Variants in ASB7 observed in about 807,000 individuals in gnomAD.
ASB7 encodes ankyrin repeat and SOCS box protein 7.
ASB7 carries 4 observed loss-of-function variants against 32.5 expected under a neutral mutation model. The ratio of observed to expected loss-of-function variants is 0.12; its 90% confidence interval spans 0.06 to 0.28. The LOEUF (loss-of-function observed/expected upper bound fraction) is 0.28. ASB7 is among the 10% of genes least tolerant of loss of function. ASB7 has a pLI of 1.00. For synonymous variants in ASB7, 172 were observed against 155.6 expected, an observed-to-expected ratio of 1.11 and a Z score of -0.78; for missense variants, 181 against 407.1, an observed-to-expected ratio of 0.44 and a Z score of 4.78.
At chr15:100,638,070 T>A (rs1567117731) in intron 5 of ASB7, among the ~76,000 whole-genome samples, 2 of 152,088 alleles carry the variant, frequency 1.3e-5, no homozygotes, top group Non-Finnish European at 2.9e-5. Context: ...TATAGATAAG[T>A]ATAACTGACA....
At chr15:100,646,557 A>G (rs2039998357) in intron 5 of ASB7, 2 of 401,652 alleles carry the variant, frequency 5.0e-6, no homozygotes. Context: ...TGATGTTACT[A>G]AGGTCAACAC....
At chr15:100,636,178 T>C (rs985913526) in intron 5 of ASB7, among the ~76,000 whole-genome samples, 1 of 152,250 alleles carries the variant, frequency 6.6e-6, no homozygotes, top group Non-Finnish European at 1.5e-5. Flanking sequence ...TACACAGATC[T>C]CAGCCATGGC....
At chr15:100,604,812 AT>A (rs2039627029) in intron 2 of ASB7, among the ~76,000 whole-genome samples, 1 of 152,198 alleles carries the variant, frequency 6.6e-6, no homozygotes, top group Non-Finnish European at 1.5e-5. Flanking sequence ...GCTAATTTTT[AT>A]TATGTAAGTA....
chr15:100,604,324 G>A (rs2039619505), intron 2 of ASB7, among the ~76,000 whole-genome samples: 1 of 152,172 alleles, frequency 6.6e-6, no homozygotes, highest in African/African-American at 2.4e-5. Flanking sequence ...TATAAGCATG[G>A]AAATTATACA....
chr15:100,625,779 A>G (rs2039831941), intron 4 of ASB7, among the ~76,000 whole-genome samples: 1 of 152,202 alleles, frequency 6.6e-6, no homozygotes, highest in Non-Finnish European at 1.5e-5. Flanking sequence ...ACTTACTATA[A>G]GCTACAGTAG....
chr15:100,647,589 T>G (rs2040005020), intron 5 of ASB7, among the ~76,000 whole-genome samples: 1 of 152,142 alleles, frequency 6.6e-6, no homozygotes, highest in Non-Finnish European at 1.5e-5. Flanking sequence ...TCTTTTGAAT[T>G]GAGATATAAC....
intron 2 of ASB7, among the ~76,000 whole-genome samples, chr15:100,604,809 T>G (rs1023801517): frequency 6.6e-6 from 1 of 152,202 alleles, no homozygotes; most frequent in Non-Finnish European, 1.5e-5. Flanking sequence ...AAGGCTAATT[T>G]TTATTATGTA....
intron 4 of ASB7, among the ~76,000 whole-genome samples, chr15:100,622,642 C>T (rs906578189): frequency 5.9e-5 from 9 of 152,174 alleles, no homozygotes; most frequent in Admixed American, 6.5e-5. Flanking sequence ...CAGAAATCTA[C>T]GTATTTTTAG....
intron 5 of ASB7, among the ~76,000 whole-genome samples, chr15:100,630,404 G>C: frequency 6.6e-6 from 1 of 152,312 alleles, no homozygotes; most frequent in East Asian, 1.9e-4. Flanking sequence ...AAGTTGAGGA[G>C]TTAGAGGGGG....
intron 4 of ASB7, among the ~76,000 whole-genome samples, chr15:100,622,374 T>C (rs971317413): frequency 5.9e-5 from 9 of 152,140 alleles, no homozygotes; most frequent in African/African-American, 1.9e-4. Context: ...TTAAAATGAC[T>C]CTTCTATCCA....
chr15:100,617,087 C>T (rs1323041835), intron 4 of ASB7, among the ~76,000 whole-genome samples: 2 of 152,124 alleles, frequency 1.3e-5, no homozygotes, highest in Non-Finnish European at 2.9e-5. Context: ...GATTCTGCCT[C>T]CTAAAAAGTT....
At chr15:100,632,543 A>C (rs2039891680) in intron 5 of ASB7, among the ~76,000 whole-genome samples, 1 of 152,180 alleles carries the variant, frequency 6.6e-6, no homozygotes, top group Non-Finnish European at 1.5e-5. Context: ...AAGCAGCTTG[A>C]AAGAAGGTTG....
intron 3 of ASB7, among the ~76,000 whole-genome samples, chr15:100,610,444 C>CG: frequency 6.6e-6 from 1 of 150,460 alleles, no homozygotes; most frequent in South Asian, 2.1e-4. Context: ...GCAGTGAGCT[C>CG]AGATCGCGCC....
intron 4 of ASB7, among the ~76,000 whole-genome samples, chr15:100,625,944 A>C (rs1157840073): frequency 6.6e-6 from 1 of 152,208 alleles, no homozygotes; most frequent in African/African-American, 2.4e-5. Flanking sequence ...GTGCTGGAAC[A>C]AGTAGATATC....
chr15:100,638,353 A>G (rs1384315153), intron 5 of ASB7: 1 of 152,234 alleles, frequency 6.6e-6, no homozygotes, highest in Non-Finnish European at 1.5e-5. Flanking sequence ...GTTTGTTTAT[A>G]AAACTGGCTG....
At chr15:100,626,514 T>C (rs1041904743) in intron 4 of ASB7, among the ~76,000 whole-genome samples, 1 of 152,152 alleles carries the variant, frequency 6.6e-6, no homozygotes, top group South Asian at 2.1e-4. Flanking sequence ...GGTGTAGCCA[T>C]TTAAAAAGGA....
At chr15:100,617,602 A>T (rs892441910) in intron 4 of ASB7, among the ~76,000 whole-genome samples, 1 of 152,238 alleles carries the variant, frequency 6.6e-6, no homozygotes, top group African/African-American at 2.4e-5. Flanking sequence ...CAGGTTACCT[A>T]GGATCCTTGT....
chr15:100,645,896 A>G, intron 5 of ASB7: 1 of 724,440 alleles, frequency 1.4e-6, no homozygotes, highest in South Asian at 1.4e-5. Flanking sequence ...AGCACTGAGG[A>G]GATTGCTTCC....
At chr15:100,617,079 T>C (rs1260011409) in intron 4 of ASB7, among the ~76,000 whole-genome samples, 1 of 152,198 alleles carries the variant, frequency 6.6e-6, no homozygotes, top group Non-Finnish European at 1.5e-5. Context: ...GTCTTATTGA[T>C]TCTGCCTCCT....
Sources: gnomAD v4.1 joint callset for allele counts (sites outside exome capture counted in the v4.1 genomes callset) on GRCh38, gnomAD v4.1.1 for gene constraint, MANE v1.5 for transcripts, NCBI Gene and HGNC (gene_info 2026-07-23, HGNC 2026-07-21) for gene names.